DGLUCY: variants seen among roughly 807,000 people sequenced by gnomAD.
DGLUCY encodes the protein D-glutamate cyclase, mitochondrial.
DGLUCY carries 58 observed loss-of-function variants against 58.5 expected under a neutral mutation model. That is an observed-to-expected ratio of 0.99 (90% CI 0.80 to 1.23). DGLUCY has a LOEUF of 1.23. DGLUCY is among the 50% of genes most tolerant of loss of function. DGLUCY has a pLI of 0.00. For missense variants in DGLUCY, 779 were observed against 784.7 expected (o/e 0.99, Z 0.09); for synonymous variants, 325 against 314.1 (o/e 1.03, Z -0.37).
upstream of DGLUCY, among the ~76,000 whole-genome samples, chr14:91,112,293 G>A (rs988729085): frequency 6.6e-6 from 1 of 152,082 alleles, no homozygotes; most frequent in African/African-American, 2.4e-5. Context: ...TGGCAGATGG[G>A]ATCTCTCTCC....
At chr14:91,170,743 G>A (rs1293268763) in intron 5 of DGLUCY, among the ~76,000 whole-genome samples, 2 of 152,170 alleles carry the variant, frequency 1.3e-5, no homozygotes, top group African/African-American at 4.8e-5. Context: ...ACTTGTCAAG[G>A]TGAGTGCACT....
intron 1 of DGLUCY, among the ~76,000 whole-genome samples, chr14:91,073,789 G>T (rs1388091309): frequency 6.6e-6 from 1 of 152,068 alleles, no homozygotes; most frequent in Admixed American, 6.6e-5. Flanking sequence ...AACCTGCAAG[G>T]CAGAAGGATC....
chr14:91,169,315 A>G (rs1350541255), intron 4 of DGLUCY, among the ~76,000 whole-genome samples: 1 of 152,066 alleles, frequency 6.6e-6, no homozygotes, highest in African/African-American at 2.4e-5. Context: ...ACTGGCACTG[A>G]GAGGTTCCCC....
In DGLUCY at chr14:91,176,001, G is replaced by A. The variant is rs1434137977; in HGVS notation, c.675G>A (p.Glu225=). The part of the protein sequence containing the change: ...YGDAMVCPPG[E]VPVFWPSPLT... ...ATGCCATGGTGTGTCCCCCAGGGGA[G>A]GTTCCAGTGTTCTGGCCTTCTCCGC... Residue 225 remains glutamate (E), a synonymous_variant, in exon 7 of 14, where the codon GAG becomes GAA. Transcript: ENST00000256324. The A allele has an allele frequency of 6.2e-7, 1 of 1,614,142 alleles. No homozygotes were observed. Among genetic ancestry groups the A allele is most frequent in the Non-Finnish European group, 8.5e-7 (1 of 1,179,992 alleles).
upstream of DGLUCY, among the ~76,000 whole-genome samples, chr14:91,103,750 CCTT>C (rs1168835859): frequency 3.9e-5 from 6 of 152,052 alleles, no homozygotes; most frequent in Non-Finnish European, 5.9e-5. Flanking sequence ...AACCTACAGT[CCTT>C]CTCTGCTATC....
At chr14:91,175,809 A>C in intron 6 of DGLUCY, 125 bp from the exon 7 acceptor site, 2 of 1,152,214 alleles carry the variant, frequency 1.7e-6, no homozygotes, top group Middle Eastern at 4.1e-4. Flanking sequence ...CCTCTTCCTC[A>C]AATACCATTT....
At chr14:91,164,518 G>T (rs1048010069) in intron 3 of DGLUCY, among the ~76,000 whole-genome samples, 2 of 152,206 alleles carry the variant, frequency 1.3e-5, no homozygotes, top group African/African-American at 4.8e-5. Flanking sequence ...TTTGGGTGTT[G>T]TGATCTAAGC....
At chr14:91,096,995 A>C (rs1192248954) in intron 1 of DGLUCY, among the ~76,000 whole-genome samples, 1 of 152,242 alleles carries the variant, frequency 6.6e-6, no homozygotes, top group East Asian at 1.9e-4. Context: ...CCTTAAATCT[A>C]TAGAAGCAAA....
intron 1 of DGLUCY, among the ~76,000 whole-genome samples, chr14:91,079,956 AC>A (rs1292824379): frequency 6.6e-6 from 1 of 151,942 alleles, no homozygotes; most frequent in Non-Finnish European, 1.5e-5. Flanking sequence ...AAACAATAAT[AC>A]CCCCATTTTT....
Position 91,071,824 on chromosome 14 carries a change from C to T in DGLUCY, c.-82+11120C>T, listed in dbSNP as rs1366156746. 7.3e-5 allele frequency among the ~76,000 whole-genome samples: 11 copies of T among 150,712 alleles called. No homozygotes were observed. The South Asian group carries it at 8.3e-4, about 11-fold the overall frequency. Reference sequence around the variant, plus strand: ...CAGAGGTTGCAGTCAGCCAAGATCGCGCCACTGCACTCCAGCCTGGTAACA... The same window carrying T: ...CAGAGGTTGCAGTCAGCCAAGATCGTGCCACTGCACTCCAGCCTGGTAACA... On this transcript the variant is annotated intron_variant, in intron 1 of 4. Transcript: ENST00000521334.
chr14:91,136,386 A>G (rs950857965), intron 1 of DGLUCY, among the ~76,000 whole-genome samples: 2 of 152,160 alleles, frequency 1.3e-5, no homozygotes, highest in Admixed American at 6.5e-5. Context: ...GAGAGCCTTT[A>G]GAAATTCAGA....
chr14:91,201,208 T>G (rs540404331), intron 11 of DGLUCY, among the ~76,000 whole-genome samples: 157 of 152,272 alleles, frequency 1.0e-3, no homozygotes, highest in Non-Finnish European at 1.6e-3. Flanking sequence ...TTCACTTCTT[T>G]TGTGGATCTT....
At chr14:91,079,480 A>C (rs1404545609) in intron 1 of DGLUCY, among the ~76,000 whole-genome samples, 3 of 151,732 alleles carry the variant, frequency 2.0e-5, no homozygotes, top group Non-Finnish European at 2.9e-5. Context: ...CAGCCTCCCA[A>C]GTAGCTGGGA....
intron 1 of DGLUCY, among the ~76,000 whole-genome samples, chr14:91,070,223 C>T (rs2043892723): frequency 6.6e-6 from 1 of 152,080 alleles, no homozygotes; most frequent in African/African-American, 2.4e-5. Context: ...GACCTGCCCT[C>T]CAAGCCAAAA....
At chr14:91,107,808 A>T (rs1185264671), upstream of DGLUCY, among the ~76,000 whole-genome samples, 1 of 152,008 alleles carries the variant, frequency 6.6e-6, no homozygotes, top group African/African-American at 2.4e-5. Context: ...GTCCAGAGGG[A>T]TGAGGAGCTG....
rs762006624 is a variant in DGLUCY at position 91,199,712 on chromosome 14, C to T, written c.1296-45C>T. ...AAGGCATGACCCAGCAAAGCAGCCACCTCTCCATAGGACCCTCTGACCTCT... is the reference window on the plus strand; with the variant it reads ...AAGGCATGACCCAGCAAAGCAGCCATCTCTCCATAGGACCCTCTGACCTCT... On this transcript the variant is annotated intron_variant, in intron 10 of 13. Coordinates refer to ENST00000256324, the MANE Select transcript of DGLUCY (RefSeq NM_001102368.3). 3 of 1,597,460 alleles carry T rather than the reference C, an allele frequency of 1.9e-6. No individual in the cohort carries two copies. In the East Asian group the frequency reaches 6.7e-5, roughly 36 times the overall value.
chr14:91,195,226 CT>C lies in DGLUCY; in HGVS notation c.1196-1148del, dbSNP rs1354867973. Among the ~76,000 whole-genome samples, 3 of 152,286 alleles carry C rather than the reference CT, an allele frequency of 2.0e-5. No individual in the cohort carries two copies. The East Asian group carries it at 5.8e-4, about 29-fold the overall frequency. On this transcript the variant is annotated intron_variant, in intron 9 of 13. Transcript: ENST00000256324. ...TCCTGGCTCCCTGCCGTCTTAAGCT[CT>C]GTGTGAAGACTTTATCTTTGGCCAG...
At chr14:91,182,278 G>T (rs1490143170) in intron 8 of DGLUCY, among the ~76,000 whole-genome samples, 1 of 150,774 alleles carries the variant, frequency 6.6e-6, no homozygotes, top group Non-Finnish European at 1.5e-5. Flanking sequence ...ACCATGTCCA[G>T]TAGTTTTTGG....
chr14:91,219,049 G>A (rs915878131), intron 13 of DGLUCY, among the ~76,000 whole-genome samples: 25 of 151,890 alleles, frequency 1.6e-4, no homozygotes, highest in African/African-American at 4.1e-4. Flanking sequence ...GCGTGGTGGC[G>A]GGCGCCTGTA....
Sources: gnomAD v4.1 joint callset for allele counts (sites outside exome capture counted in the v4.1 genomes callset) on GRCh38, gnomAD v4.1.1 for gene constraint, MANE v1.5 for transcripts, NCBI Gene and HGNC (gene_info 2026-07-23, HGNC 2026-07-21) for gene names.